Variants in SPIRE1 observed in about 807,000 individuals in gnomAD.
The protein encoded by SPIRE1 is protein spire homolog 1.
In SPIRE1, 40 loss-of-function variants were observed where a neutral mutation model predicts 94.1. The observed-to-expected ratio is 0.43, with a 90% CI of 0.33 to 0.55. SPIRE1 has a LOEUF of 0.55. Ranked by LOEUF, SPIRE1 falls within the 20% of genes least tolerant of loss-of-function variation. SPIRE1 has a pLI of 0.06. For synonymous variants in SPIRE1, 376 were observed against 371.7 expected (o/e 1.01, Z -0.13); for missense variants, 838 against 975.2 (o/e 0.86, Z 1.87).
rs537619139 is a variant in SPIRE1, at chr18:12,485,997, A to G, written c.1193T>C (p.Met398Thr). ...ACTGTAAGACATGCTAAGTGGCCGC[A>G]TTGCTGAAAAAAAGAAAACAAACAA... is the stretch of plus-strand genomic sequence containing the variant. Reference protein sequence around the residue: ...PEEIRRSRLAMRPLSMSYSFD... With the variant: ...PEEIRRSRLATRPLSMSYSFD... Residue 398 changes from methionine to threonine, a missense_variant, in exon 9 of 17, where the codon ATG becomes ACG. Met to Thr is a moderately conservative substitution (Grantham distance 81). Around this residue, in one of 2 missense-constraint regions of SPIRE1, gnomAD observed 645 missense variants for 804.7 expected, o/e 0.80. Transcript: ENST00000409402. 3 of 1,519,198 alleles carry G rather than the reference A, an allele frequency of 2.0e-6. No individual in the cohort carries two copies. Among genetic ancestry groups the G allele is most frequent in the African/African-American group, 2.8e-5 (2 of 70,354 alleles). 94.1% of individuals were successfully genotyped at this position (1,519,198 alleles called of 1,614,324 possible).
chr18:12,465,101 G>A, intron 10 of SPIRE1, 143 bp from the exon 11 acceptor site: 1 of 680,126 alleles, frequency 1.5e-6, no homozygotes, highest in South Asian at 1.8e-5. Context: ...AGACAAACTA[G>A]AAGGGGTTTC....
chr18:12,531,173 T>C (rs566397015), intron 4 of SPIRE1, among the ~76,000 whole-genome samples: 1 of 152,320 alleles, frequency 6.6e-6, no homozygotes, highest in East Asian at 1.9e-4. Context: ...GTGCTGTGAT[T>C]ACAGGCATGA....
intron 2 of SPIRE1, among the ~76,000 whole-genome samples, chr18:12,597,669 G>A (rs965329063): frequency 1.3e-5 from 2 of 152,202 alleles, no homozygotes; most frequent in Non-Finnish European, 1.5e-5. Context: ...AGCCTCAACT[G>A]CTGGTTTCTC....
At position 12,657,765 on chromosome 18, in the gene SPIRE1, CCCGGCCGCGCCG is replaced by C. The variant is rs777296874; in HGVS notation, c.90_101del (p.Ala32_Gly35del). The C allele has an allele frequency of 3.2e-5, 43 of 1,337,000 alleles. 2 individuals carry two copies. In the South Asian group the frequency reaches 6.8e-4, roughly 21 times the overall value. The allele number at this position is 1,337,000 out of a possible 1,614,324, so 82.8% of individuals were successfully genotyped here. A position where few individuals can be genotyped will look rare whatever the true frequency, so the allele number is the denominator to read the frequency against. On this transcript the variant is annotated inframe_deletion, in exon 1 of 17. Coordinates refer to ENST00000409402, the MANE Select transcript of SPIRE1 (RefSeq NM_001128626.2). ...CCAGGCTCAGCGCGTCCCGGGAGCC[CCCGGCCGCGCCG>C]CCGGCTGCCCCGGGCTCCCGCGGCC...
intron 1 of SPIRE1, among the ~76,000 whole-genome samples, chr18:12,639,639 G>A (rs1199288091): frequency 6.6e-6 from 1 of 152,068 alleles, no homozygotes; most frequent in East Asian, 1.9e-4. Flanking sequence ...GACTGAGGCA[G>A]AGAATTGCTT....
intron 2 of SPIRE1, 112 bp from the exon 3 acceptor site, chr18:12,547,016 C>T: frequency 4.7e-6 from 3 of 639,770 alleles, no homozygotes; most frequent in Non-Finnish European, 8.1e-6. Context: ...ACATACAACA[C>T]ATACACAAAC....
intron 2 of SPIRE1, among the ~76,000 whole-genome samples, chr18:12,594,836 C>T (rs1210787206): frequency 2.0e-5 from 3 of 152,190 alleles, no homozygotes; most frequent in African/African-American, 7.2e-5. Flanking sequence ...CCACTGACAC[C>T]CCTGAGCAAC....
chr18:12,653,775 C>T (rs1393737518), intron 1 of SPIRE1, among the ~76,000 whole-genome samples: 2 of 151,942 alleles, frequency 1.3e-5, no homozygotes, highest in Admixed American at 6.6e-5. Flanking sequence ...GGGGAAACCC[C>T]GTCTCTACTA....
intron 2 of SPIRE1, among the ~76,000 whole-genome samples, chr18:12,602,569 A>T (rs546422949): frequency 1.3e-5 from 2 of 152,300 alleles, no homozygotes; most frequent in South Asian, 2.1e-4. Context: ...TAAAGAAATC[A>T]GTAACTCTGT....
chr18:12,557,408 G>GC (rs923273311), intron 2 of SPIRE1, among the ~76,000 whole-genome samples: 12 of 152,316 alleles, frequency 7.9e-5, no homozygotes, highest in African/African-American at 2.9e-4. Flanking sequence ...GCCCCTCACT[G>GC]CCCAGGGCCG....
chr18:12,610,295 C>T (rs2037103013), intron 2 of SPIRE1, among the ~76,000 whole-genome samples: 1 of 152,100 alleles, frequency 6.6e-6, no homozygotes. Context: ...TGATCTTGTC[C>T]TCCACCTGAT....
At chr18:12,491,333 C>T (rs2033225702) in intron 8 of SPIRE1, among the ~76,000 whole-genome samples, 1 of 147,334 alleles carries the variant, frequency 6.8e-6, no homozygotes, top group Non-Finnish European at 1.5e-5. Flanking sequence ...CAATGAATAG[C>T]CAATCAATCT....
Position 12,559,189 on chromosome 18 carries a change from G to GGGGTA in SPIRE1, c.373-12286_373-12285insTACCC, listed in dbSNP as rs1220545638. Among the ~76,000 whole-genome samples, 2 of 147,538 alleles carry GGGGTA rather than the reference G, an allele frequency of 1.4e-5. No individual in the cohort carries two copies. The highest frequency in any genetic ancestry group is 1.3e-4 in the Admixed American group (2 of 15,048). ...AGGAGCCCACGGGGTGGGGTGGGGT[G>GGGGTA]GGGGGGCGCCGGCATGGCAGGCTGC... On this transcript the variant is annotated intron_variant, in intron 2 of 16. Coordinates refer to ENST00000409402, the MANE Select transcript of SPIRE1 (RefSeq NM_001128626.2). This position sits in a 1 kb window ranked among gnomAD's most constrained non-coding sequence, Gnocchi z 4.7.
intron 2 of SPIRE1, among the ~76,000 whole-genome samples, chr18:12,624,665 T>C (rs556592855): frequency 2.0e-5 from 3 of 150,290 alleles, no homozygotes; most frequent in South Asian, 2.1e-4. Flanking sequence ...TGAAACCCCA[T>C]CTCTACTAAA....
intron 10 of SPIRE1, among the ~76,000 whole-genome samples, chr18:12,477,878 G>C (rs2032666632): frequency 6.6e-6 from 1 of 152,124 alleles, no homozygotes; most frequent in Non-Finnish European, 1.5e-5. Context: ...CATTAGACCA[G>C]AGGTGTCTGC....
At chr18:12,558,268 G>C (rs1034314277) in intron 2 of SPIRE1, among the ~76,000 whole-genome samples, 1 of 152,148 alleles carries the variant, frequency 6.6e-6, no homozygotes, top group African/African-American at 2.4e-5. Context: ...CCTTTGCGGT[G>C]AGTGTTACAG....
chr18:12,650,995 G>A (rs983857447), intron 1 of SPIRE1, among the ~76,000 whole-genome samples: 8 of 152,056 alleles, frequency 5.3e-5, no homozygotes, highest in African/African-American at 1.7e-4. Flanking sequence ...GAAGGGGCCT[G>A]TGTAAATGAA....
chr18:12,479,755 G>A lies in SPIRE1; in HGVS notation c.1348C>T (p.Arg450Trp), dbSNP rs373281197. ...LSTSQQVPAQ[R>W]KKLLRAPTLA... ...GTTGGGGCTCTGAGGAGCTTCTTCC[G>A]CTGTGCAGGCACCTGCTGTGAGGTA... Residue 450 changes from arginine (R) to tryptophan (W), a missense_variant, in exon 10 of 17, where the codon CGG becomes TGG. By Grantham distance (101) the Arg-to-Trp change is moderately radical. Coordinates refer to ENST00000409402, the MANE Select transcript of SPIRE1 (RefSeq NM_001128626.2). 6.8e-6 allele frequency: 11 copies of A among 1,613,888 alleles called. No homozygotes were observed. The highest frequency in any genetic ancestry group is 6.7e-5 in the Admixed American group (4 of 59,986).
At chr18:12,658,184 C>T (rs923178056), upstream of SPIRE1, 10 of 766,218 alleles carry the variant, frequency 1.3e-5, no homozygotes, top group Middle Eastern at 5.0e-4. Context: ...GCCGCACGGG[C>T]CGGGGGATGC....
Sources: gnomAD v4.1 joint callset for allele counts (sites outside exome capture counted in the v4.1 genomes callset) on GRCh38, gnomAD v4.1.1 for gene constraint, gnomAD v4.1.1 regional missense constraint, Gnocchi (gnomAD v3.1) non-coding constraint, MANE v1.5 for transcripts, NCBI Gene and HGNC (gene_info 2026-07-23, HGNC 2026-07-21) for gene names.